KIAA1210: variants seen among roughly 807,000 people sequenced by gnomAD.
KIAA1210 encodes the protein acrosomal protein KIAA1210.
KIAA1210 carries 48 observed loss-of-function variants against 78.9 expected under a neutral mutation model. The ratio of observed to expected loss-of-function variants is 0.61; its 90% CI spans 0.48 to 0.77. KIAA1210 has a LOEUF of 0.77. Ranked by LOEUF, KIAA1210 falls within the 30% of genes least tolerant of loss-of-function variation. The pLI is 0.00. For synonymous variants in KIAA1210, 406 were observed against 404.5 expected, an observed-to-expected ratio of 1.00 and a Z score of -0.04; for missense variants, 1,108 against 1,100.0, an observed-to-expected ratio of 1.01 and a Z score of -0.10.
chrX:119,102,210 G>T (rs34243344), intron 6 of KIAA1210, among the ~76,000 whole-genome samples: 268 of 112,083 alleles, frequency 2.4e-3, no homozygotes, highest in South Asian at 1.5e-3. Context: ...AATTTTTTTT[G>T]ATCTTTAATG....
rs1054196670 is a variant in KIAA1210, at chrX:119,096,357, A to G, written c.846+137T>C. 19 of 528,097 alleles carry G rather than the reference A, an allele frequency of 3.6e-5. No homozygotes were observed. In the African/African-American group the frequency reaches 4.2e-4, roughly 12 times the overall value. The allele number at this position is 528,097 out of a possible 1,213,427, so 43.5% of individuals were successfully genotyped here. A position where few individuals can be genotyped will look rare whatever the true frequency, so the allele number is the denominator to read the frequency against. ...CCTCTGGGGGTGTCAAGCTTAGGAC[A>G]GCACCCTTGACCTTGCCAAGCTTAC... On this transcript the variant is annotated intron_variant, in intron 7 of 11. Coordinates refer to ENST00000691062, the MANE Select transcript of KIAA1210 (RefSeq NM_001394962.1).
In KIAA1210 at chrX:119,086,882, T is replaced by C; in HGVS notation, c.3820A>G (p.Lys1274Glu). The change falls in exon 9 of 12, where the codon AAA (lysine) becomes GAA (glutamate). Residue 1274 changes from lysine to glutamate, a missense_variant. Coordinates refer to ENST00000691062, the MANE Select transcript of KIAA1210 (RefSeq NM_001394962.1). ...CCATCACCACTCTCAAGATCTTCTT[T>C]CTTAGAGTAAATGCCCCCAGAAGTG... ...TSTSGGIYSK[K>E]EDLESGDGNN... The C allele has an allele frequency of 8.3e-7, 1 of 1,211,448 alleles. No individual in the cohort carries two copies. Among genetic ancestry groups the C allele is most frequent in the Non-Finnish European group, 1.1e-6 (1 of 895,256 alleles).
At chrX:119,108,993 C>T (rs1927985402) in intron 4 of KIAA1210, 83 bp downstream of exon 4, 5 of 1,059,806 alleles carry the variant, frequency 4.7e-6, no homozygotes, top group African/African-American at 3.7e-5. Flanking sequence ...CAAGTTCCCA[C>T]TCCTTTTAAT....
At chrX:119,086,448 TAA>T in intron 9 of KIAA1210, 96 bp downstream of exon 9, 1 of 837,458 alleles carries the variant, frequency 1.2e-6, no homozygotes, top group Non-Finnish European at 1.7e-6. Context: ...CACAATTCAG[TAA>T]AAGACTAGAA....
chrX:119,095,673 C>T (rs1440003553), intron 7 of KIAA1210, among the ~76,000 whole-genome samples: 1 of 112,629 alleles, frequency 8.9e-6, no homozygotes, highest in Admixed American at 9.4e-5. Flanking sequence ...CAGGCATGAA[C>T]CATTGCACCC....
intron 3 of KIAA1210, among the ~76,000 whole-genome samples, chrX:119,111,378 G>T (rs1306556123): frequency 8.9e-6 from 1 of 111,784 alleles, no homozygotes; most frequent in Non-Finnish European, 1.9e-5. Context: ...GTGATAGACT[G>T]GATAAAGAAA....
rs1198570552 is a variant in KIAA1210, at chrX:119,080,703, T to G, written c.*626A>C. The G allele has an allele frequency of 8.9e-6, 1 of 112,390 alleles. No individual in the cohort carries two copies. The highest frequency in any genetic ancestry group is 1.9e-5 in the Non-Finnish European group (1 of 53,348). The allele number at this position is 112,390 out of a possible 1,213,427, so 9.3% of individuals were successfully genotyped here. A position where few individuals can be genotyped will look rare whatever the true frequency, so the allele number is the denominator to read the frequency against. On this transcript the variant is annotated 3_prime_UTR_variant, in exon 12 of 12. Coordinates refer to ENST00000691062, the MANE Select transcript of KIAA1210 (RefSeq NM_001394962.1). The stretch of plus-strand genomic sequence containing the variant: ...TAAAGATTTTGCAATTTTACAGCAG[T>G]GCAAATGTTTTCGATAGTTTTAATA...
chrX:119,106,422 G>T (rs974357080), intron 5 of KIAA1210, among the ~76,000 whole-genome samples: 3 of 111,387 alleles, frequency 2.7e-5, no homozygotes, highest in African/African-American at 9.8e-5. Context: ...CATTTGAAAG[G>T]TCTGTCCAGC....
chrX:119,131,989 G>A (rs897250914), upstream of KIAA1210, among the ~76,000 whole-genome samples: 1 of 111,841 alleles, frequency 8.9e-6, no homozygotes, highest in Non-Finnish European at 1.9e-5. Flanking sequence ...GATTGATTGC[G>A]CCCATGAGGT....
Position 119,140,623 on chromosome X carries a change from A to C in KIAA1210, c.410+6850T>G, listed in dbSNP as rs769094371. The stretch of plus-strand genomic sequence containing the variant: ...CTCCACTTCTAAAGAGAACTACCTC[A>C]TCCCAAAGAGTTTCCTCCTTCCTCT... On this transcript the variant is annotated intron_variant, in intron 2 of 13. Coordinates refer to the KIAA1210 transcript ENST00000402510. Among the ~76,000 whole-genome samples the C allele has an allele frequency of 3.8e-3, 425 of 110,437 alleles. 1 individual carries two copies. The highest frequency in any genetic ancestry group is 6.3e-3 in the Non-Finnish European group (334 of 52,855).
intron 6 of KIAA1210, among the ~76,000 whole-genome samples, chrX:119,101,266 G>T (rs1927728569): frequency 8.9e-6 from 1 of 112,164 alleles, no homozygotes; most frequent in African/African-American, 3.2e-5. Flanking sequence ...AGCAGGGATA[G>T]AGAGAAGGTT....
At chrX:119,108,572 A>G (rs1927965888) in intron 4 of KIAA1210, 101 bp from the exon 5 acceptor site, 4 of 989,730 alleles carry the variant, frequency 4.0e-6, no homozygotes, top group Middle Eastern at 5.7e-4. Context: ...GTGTTAAGAG[A>G]AGTGAATATA....
chrX:119,149,278 G>A lies in KIAA1210; in HGVS notation c.289+1013C>T, dbSNP rs567415346. The stretch of plus-strand genomic sequence containing the variant: ...TACCTCTTGCAAACTGCTGTTTACT[G>A]GCCTGGTCACCCCCTAAGAAGGCAA... On this transcript the variant is annotated intron_variant, in intron 1 of 13. Transcript: ENST00000402510. 3.6e-3 allele frequency among the ~76,000 whole-genome samples: 401 copies of A among 111,309 alleles called. 2 individuals carry two copies. The highest frequency in any genetic ancestry group is 8.9e-3 in the South Asian group (23 of 2,584).
intron 2 of KIAA1210, among the ~76,000 whole-genome samples, chrX:119,134,416 C>T (rs988245209): frequency 8.9e-6 from 1 of 112,372 alleles, no homozygotes; most frequent in East Asian, 2.8e-4. Context: ...TTCACTACTG[C>T]GATGGCACAC....
chrX:119,110,575 A>G (rs772234378), intron 3 of KIAA1210, among the ~76,000 whole-genome samples: 104 of 112,019 alleles, frequency 9.3e-4, no homozygotes, highest in Non-Finnish European at 3.2e-4. Flanking sequence ...TAAAACTCTT[A>G]ATGAATACGC....
At chrX:119,107,121 C>A (rs1322909287) in intron 5 of KIAA1210, among the ~76,000 whole-genome samples, 3 of 112,243 alleles carry the variant, frequency 2.7e-5, no homozygotes, top group Non-Finnish European at 3.8e-5. Flanking sequence ...TGTCTTCAGC[C>A]TTGTTTTCCA....
chrX:119,108,567 A>C, intron 4 of KIAA1210, 96 bp from the exon 5 acceptor site: 1 of 1,022,491 alleles, frequency 9.8e-7, no homozygotes, highest in African/African-American at 1.9e-5. Flanking sequence ...ATGGTGTGTT[A>C]AGAGAAGTGA....
Position 119,089,119 on chromosome X carries a change from T to C in KIAA1210, c.1583A>G (p.Asp528Gly), listed in dbSNP as rs1460174505. Reference protein sequence around the residue: ...FMNPSHIQLEDQEAFSFDLQK... With the variant: ...FMNPSHIQLEGQEAFSFDLQK... ...TAAATCAAAGCTGAAAGCTTCTTGA[T>C]CTTCTAACTGGATATGAGAAGGATT... The change falls in exon 9 of 12, where the codon GAT (aspartate) becomes GGT (glycine). Residue 528 changes from aspartate to glycine, a missense_variant. This residue lies in a region of KIAA1210 where 672 missense variants were observed against 607.1 expected (regional missense o/e 1.11). Coordinates refer to ENST00000691062, the MANE Select transcript of KIAA1210 (RefSeq NM_001394962.1). The C allele has an allele frequency of 8.3e-7, 1 of 1,210,575 alleles. No individual in the cohort carries two copies. The highest frequency in any genetic ancestry group is 1.7e-5 in the African/African-American group (1 of 57,366).
At position 119,150,315 on chromosome X, in the gene KIAA1210, G is replaced by A. The variant is rs1472854816; in HGVS notation, c.265C>T (p.Arg89Ter). The change falls in exon 1 of 14, where the codon CGA becomes TGA. Residue 89 changes from arginine (R) to a stop codon, truncating the protein, a stop_gained. Coordinates refer to the KIAA1210 transcript ENST00000402510. LOFTEE classifies it high-confidence loss of function. ...CCCCTGCACCAAGTGGTAGGGAATC[G>A]CGGTGTGCAGGGCAGGAAGCCCCGG... 8.3e-7 allele frequency: 1 copy of A among 1,206,230 alleles called. No homozygotes were observed.
Sources: allele counts gnomAD v4.1 joint callset (sites outside exome capture counted in the v4.1 genomes callset), GRCh38; gene constraint gnomAD v4.1.1; regional missense constraint gnomAD v4.1.1; transcripts MANE v1.5; gene names NCBI Gene and HGNC (gene_info 2026-07-23, HGNC 2026-07-21).